The following TOX2 variants were observed in gnomAD, a reference collection of about 807,000 sequenced individuals.
The protein encoded by TOX2 is TOX high mobility group box family member 2, also known as granulosa cell HMG box 1.
A neutral mutation model predicts 47.4 loss-of-function variants in TOX2; 15 were observed. That is an observed-to-expected ratio of 0.32 (90% CI 0.21 to 0.49). The LOEUF is 0.49. Among genes scored for constraint, TOX2 ranks in the 20% least tolerant of loss-of-function variants. The pLI is 0.99. For missense variants in TOX2, 622 were observed against 673.1 expected, an observed-to-expected ratio of 0.92 and a Z score of 0.84; for synonymous variants, 290 against 296.6, an observed-to-expected ratio of 0.98 and a Z score of 0.23.
At chr20:43,960,610 C>T (rs1421252229) in intron 1 of TOX2, among the ~76,000 whole-genome samples, 1 of 152,248 alleles carries the variant, frequency 6.6e-6, no homozygotes, top group African/African-American at 2.4e-5. Flanking sequence ...CTGTAGATTT[C>T]ACACTCAGAG....
intron 1 of TOX2, among the ~76,000 whole-genome samples, chr20:43,958,556 T>TA (rs748876054): frequency 6.6e-6 from 1 of 152,242 alleles, no homozygotes; most frequent in Admixed American, 6.5e-5. Context: ...ATTATGCAGA[T>TA]ACCCATTTTC....
chr20:43,914,943 G>C lies in TOX2; in HGVS notation c.52G>C (p.Ala18Pro). 8.0e-7 allele frequency: 1 copy of C among 1,243,910 alleles called. No individual in the cohort carries two copies. The highest frequency in any genetic ancestry group is 2.6e-5 in the South Asian group (1 of 38,902). The allele number at this position is 1,243,910 out of a possible 1,614,324, so 77.1% of individuals were successfully genotyped here. Reference sequence around the variant, plus strand: ...GCCCGCGGTGGGCGCGCGGCCCGGGGCCGAGCCGGCCGGCCTGGCGCACCT... The same window carrying C: ...GCCCGCGGTGGGCGCGCGGCCCGGGCCCGAGCCGGCCGGCCTGGCGCACCT... ...SAPAVGARPG[A>P]EPAGLAHLDY... Residue 18 changes from alanine to proline, a missense_variant, in exon 1 of 9, where the codon GCC becomes CCC. Physicochemically the swap from Ala to Pro is conservative, Grantham distance 27. Transcript: ENST00000341197. The surrounding 1 kb of genome is among the most constrained non-coding windows in gnomAD (Gnocchi z 4.5).
intron 2 of TOX2, among the ~76,000 whole-genome samples, chr20:43,995,235 CAGAA>C (rs2070451229): frequency 6.6e-6 from 1 of 152,096 alleles, no homozygotes; most frequent in South Asian, 2.1e-4. Context: ...AGACTCGAAT[CAGAA>C]AGATTCTATT....
In TOX2 at chr20:44,056,428, G is replaced by T. The variant is rs544178933; in HGVS notation, c.879+1902G>T. ...AGACTTCAGGTTGTTTTTGTTTGGT[G>T]GGGGGATTTCCTTGCCGTTTTATAC... On this transcript the variant is annotated intron_variant, in intron 5 of 8. Coordinates refer to ENST00000341197, the MANE Select transcript of TOX2 (RefSeq NM_001098797.2). 2.0e-5 allele frequency among the ~76,000 whole-genome samples: 3 copies of T among 152,278 alleles called. No individual in the cohort carries two copies. In the East Asian group the frequency reaches 5.8e-4, roughly 29 times the overall value.
chr20:43,962,701 G>T (rs1569039099), intron 1 of TOX2, among the ~76,000 whole-genome samples: 1 of 152,178 alleles, frequency 6.6e-6, no homozygotes, highest in Non-Finnish European at 1.5e-5. Flanking sequence ...CTATCACAGA[G>T]AAATGGATTC....
chr20:44,065,935 C>T lies in TOX2; in HGVS notation c.1184C>T (p.Ser395Phe), dbSNP rs2071809844. Residue 395 changes from serine to phenylalanine, a missense_variant, in exon 7 of 9, where the codon TCC (serine) becomes TTC (phenylalanine). Transcript: ENST00000341197. ...GLSASPPPPP[S>F]FPLSPTLHQQ... Reference sequence around the variant, plus strand: ...AGTGCGTCCCCGCCGCCGCCACCCTCCTTCCCGCTCAGCCCCACACTGCAC... The same window carrying T: ...AGTGCGTCCCCGCCGCCGCCACCCTTCTTCCCGCTCAGCCCCACACTGCAC... 1 of 1,612,010 alleles carries T rather than the reference C, an allele frequency of 6.2e-7. No individual in the cohort carries two copies. Among genetic ancestry groups the T allele is most frequent in the South Asian group, 1.1e-5 (1 of 90,906 alleles).
At chr20:44,041,353 G>A (rs6065689) in intron 3 of TOX2, among the ~76,000 whole-genome samples, 105,353 of 152,058 alleles carry the variant, frequency 0.69, 36,905 homozygotes, top group East Asian at 0.79. Flanking sequence ...AAGGGGGCGG[G>A]GTCCGGCACC....
At chr20:43,926,754 T>C (rs561819962) in intron 1 of TOX2, among the ~76,000 whole-genome samples, 1 of 152,326 alleles carries the variant, frequency 6.6e-6, no homozygotes, top group East Asian at 1.9e-4. Flanking sequence ...CAATGAAACA[T>C]TCAGACTCAC....
chr20:43,973,573 AAT>A, intron 2 of TOX2, 141 bp downstream of exon 2: 2 of 694,678 alleles, frequency 2.9e-6, no homozygotes, highest in Non-Finnish European at 5.0e-6. Flanking sequence ...CAAGAATAGC[AAT>A]AGTCTCCTTA....
chr20:43,981,352 G>A (rs900674944), intron 2 of TOX2, among the ~76,000 whole-genome samples: 4 of 152,122 alleles, frequency 2.6e-5, no homozygotes, highest in Admixed American at 1.3e-4. Flanking sequence ...TATTCATTTT[G>A]ATATTGCTTT....
At chr20:43,950,416 G>A (rs1212486297) in intron 1 of TOX2, among the ~76,000 whole-genome samples, 1 of 152,108 alleles carries the variant, frequency 6.6e-6, no homozygotes, top group South Asian at 2.1e-4. Flanking sequence ...CCTCTTTCTG[G>A]GGAGGGGTAA....
At chr20:44,021,593 C>A (rs1292350633) in intron 3 of TOX2, among the ~76,000 whole-genome samples, 1 of 152,166 alleles carries the variant, frequency 6.6e-6, no homozygotes, top group Admixed American at 6.5e-5. Flanking sequence ...CAGATTAACT[C>A]TAGCCAGTAC....
intron 3 of TOX2, among the ~76,000 whole-genome samples, chr20:44,045,774 G>A (rs77372631): frequency 0.019 from 2,943 of 152,234 alleles, 106 homozygotes; most frequent in African/African-American, 0.067. Context: ...TCAAAAATCC[G>A]CCATTATCAA....
intron 1 of TOX2, among the ~76,000 whole-genome samples, chr20:43,940,870 C>T (rs2069394450): frequency 6.6e-6 from 1 of 152,208 alleles, no homozygotes; most frequent in African/African-American, 2.4e-5. Context: ...TAGAAGCTTG[C>T]AGCTTCGCAG....
chr20:43,992,447 A>C (rs2070385594), intron 2 of TOX2, among the ~76,000 whole-genome samples: 3 of 152,120 alleles, frequency 2.0e-5, no homozygotes. Flanking sequence ...CCTTGCAGTG[A>C]TTTAAAGGGA....
chr20:43,963,727 A>G (rs2069801823), intron 1 of TOX2, among the ~76,000 whole-genome samples: 1 of 152,240 alleles, frequency 6.6e-6, no homozygotes, highest in Admixed American at 6.5e-5. Flanking sequence ...TTTAGGAACA[A>G]AGCATGAAAA....
intron 2 of TOX2, among the ~76,000 whole-genome samples, chr20:43,988,525 C>T (rs1294991186): frequency 6.6e-6 from 1 of 152,252 alleles, no homozygotes; most frequent in East Asian, 1.9e-4. Flanking sequence ...AATAAATCAC[C>T]TGACTCTTGG....
At chr20:44,014,658 T>C (rs2070844022) in intron 3 of TOX2, among the ~76,000 whole-genome samples, 1 of 152,208 alleles carries the variant, frequency 6.6e-6, no homozygotes, top group Non-Finnish European at 1.5e-5. Context: ...ACCTGCCTCA[T>C]AGGAGTTTAT....
chr20:43,963,854 G>A (rs1407081506), intron 1 of TOX2, among the ~76,000 whole-genome samples: 1 of 152,068 alleles, frequency 6.6e-6, no homozygotes. Context: ...TCTTTTCCAT[G>A]ATTAAGACCT....
Sources: gnomAD v4.1 joint callset for allele counts (sites outside exome capture counted in the v4.1 genomes callset) on GRCh38, gnomAD v4.1.1 for gene constraint, Gnocchi (gnomAD v3.1) non-coding constraint, MANE v1.5 for transcripts, NCBI Gene and HGNC (gene_info 2026-07-23, HGNC 2026-07-21) for gene names.